TBC1D32: variants seen among roughly 807,000 people sequenced by gnomAD.
TBC1D32 encodes TBC1 domain family member 32.
TBC1D32 carries 151 observed loss-of-function variants against 170.3 expected under a neutral mutation model. The ratio of observed to expected loss-of-function variants is 0.89; its 90% CI spans 0.78 to 1.01. The LOEUF is 1.01. Ranked by LOEUF, TBC1D32 falls within the 50% of genes least tolerant of loss-of-function variation. TBC1D32 has a pLI of 0.00. For synonymous variants in TBC1D32, 498 were observed against 488.0 expected (o/e 1.02, Z -0.27); for missense variants, 1,464 against 1,457.1 (o/e 1.00, Z -0.08).
chr6:121,220,734 A>C (rs1305990002), intron 21 of TBC1D32, among the ~76,000 whole-genome samples: 3 of 142,364 alleles, frequency 2.1e-5, no homozygotes, highest in African/African-American at 8.1e-5. Flanking sequence ...TCTACCTCCC[A>C]GGTTCGAGTG....
intron 21 of TBC1D32, among the ~76,000 whole-genome samples, chr6:121,206,232 A>G (rs934161872): frequency 4.0e-5 from 6 of 151,706 alleles, no homozygotes; most frequent in Admixed American, 1.3e-4. Context: ...AAAAAAAAAA[A>G]GGAAGGCTTT....
intron 21 of TBC1D32, among the ~76,000 whole-genome samples, chr6:121,211,796 T>C (rs774267085): frequency 1.3e-5 from 2 of 152,260 alleles, no homozygotes; most frequent in Admixed American, 6.5e-5. Context: ...GGAACACCAC[T>C]GTCCCAGTGG....
At chr6:121,138,018 T>C (rs1782331912) in intron 24 of TBC1D32, among the ~76,000 whole-genome samples, 1 of 152,120 alleles carries the variant, frequency 6.6e-6, no homozygotes, top group South Asian at 2.1e-4. Context: ...TATTTTTGTG[T>C]TTCTACTTAC....
intron 24 of TBC1D32, among the ~76,000 whole-genome samples, chr6:121,146,397 G>C (rs1202099416): frequency 6.6e-6 from 1 of 150,762 alleles, no homozygotes; most frequent in African/African-American, 2.4e-5. Context: ...GATAATAATA[G>C]AAAGCCTAAA....
chr6:121,210,614 C>T (rs1792909633), intron 21 of TBC1D32, among the ~76,000 whole-genome samples: 1 of 152,138 alleles, frequency 6.6e-6, no homozygotes, highest in Admixed American at 6.5e-5. Context: ...GCAAGCACTG[C>T]TGTGAAGGAA....
At chr6:121,187,061 A>G (rs1279496422) in intron 22 of TBC1D32, among the ~76,000 whole-genome samples, 2 of 152,122 alleles carry the variant, frequency 1.3e-5, no homozygotes, top group Non-Finnish European at 2.9e-5. Flanking sequence ...AGCAAATGAG[A>G]AATAGGAATA....
chr6:121,105,656 C>T (rs1367234476), intron 30 of TBC1D32, among the ~76,000 whole-genome samples: 3 of 151,848 alleles, frequency 2.0e-5, no homozygotes, highest in South Asian at 2.1e-4. Flanking sequence ...GGTTAATCCG[C>T]GGGGATTTTT....
chr6:121,080,993 A>T (rs1582673518), intron 31 of TBC1D32, 103 bp from the exon 32 acceptor site: 1 of 1,393,412 alleles, frequency 7.2e-7, no homozygotes, highest in East Asian at 2.4e-5. Flanking sequence ...TCAGCTATAG[A>T]TGGGGTGGGC....
intron 22 of TBC1D32, among the ~76,000 whole-genome samples, chr6:121,198,727 G>A (rs1342851011): frequency 6.6e-6 from 1 of 151,140 alleles, no homozygotes; most frequent in Non-Finnish European, 1.5e-5. Context: ...CTCTAGCCTG[G>A]GCGACAGAGC....
intron 3 of TBC1D32, among the ~76,000 whole-genome samples, chr6:121,316,708 C>T (rs1276749979): frequency 6.6e-6 from 1 of 152,164 alleles, no homozygotes. Context: ...CCCAACTTGA[C>T]CAATGTACAT....
chr6:121,212,696 G>A (rs1274261497), intron 21 of TBC1D32, among the ~76,000 whole-genome samples: 1 of 151,934 alleles, frequency 6.6e-6, no homozygotes, highest in East Asian at 1.9e-4. Context: ...TCAGACCTCA[G>A]GTGATCCACC....
intron 10 of TBC1D32, among the ~76,000 whole-genome samples, chr6:121,298,829 T>C (rs1157018890): frequency 2.0e-5 from 3 of 152,112 alleles, no homozygotes; most frequent in Non-Finnish European, 4.4e-5. Context: ...AAAAGATGTT[T>C]ATTGACCCAA....
At position 121,121,053 on chromosome 6, in the gene TBC1D32, A is replaced by G. The variant is rs528463781; in HGVS notation, c.2983+5325T>C. 1.1e-4 allele frequency among the ~76,000 whole-genome samples: 17 copies of G among 152,038 alleles called. 1 individual carries two copies. The highest frequency in any genetic ancestry group is 2.2e-4 in the Non-Finnish European group (15 of 67,962). On this transcript the variant is annotated intron_variant, in intron 26 of 31. Transcript: ENST00000398212. ...AGATGTGAATATAGTATGTGTATATATATATAATTAAATCTCATATTGAAG... is the reference window on the plus strand; with the variant it reads ...AGATGTGAATATAGTATGTGTATATGTATATAATTAAATCTCATATTGAAG...
intron 29 of TBC1D32, among the ~76,000 whole-genome samples, chr6:121,108,415 C>T (rs1233007695): frequency 6.6e-6 from 1 of 152,062 alleles, no homozygotes; most frequent in Admixed American, 6.6e-5. Context: ...TCTGAAAGGA[C>T]AGTAACTCTT....
intron 30 of TBC1D32, among the ~76,000 whole-genome samples, chr6:121,092,897 T>C (rs996942378): frequency 3.3e-5 from 5 of 152,146 alleles, no homozygotes; most frequent in Non-Finnish European, 7.4e-5. Flanking sequence ...ATTCAGCCTA[T>C]ACCAGAGGGT....
intron 19 of TBC1D32, among the ~76,000 whole-genome samples, chr6:121,239,643 A>G (rs1398582277): frequency 2.0e-5 from 3 of 152,146 alleles, no homozygotes; most frequent in Non-Finnish European, 2.9e-5. Flanking sequence ...ATGCTCCCTT[A>G]TTCCAATATA....
chr6:121,258,627 T>C lies in TBC1D32; in HGVS notation c.1734-2342A>G, dbSNP rs182729085. Among the ~76,000 whole-genome samples, 3 of 152,330 alleles carry C rather than the reference T, an allele frequency of 2.0e-5. No homozygotes were observed. In the East Asian group the frequency reaches 5.8e-4, roughly 29 times the overall value. On this transcript the variant is annotated intron_variant, in intron 15 of 31. Coordinates refer to ENST00000398212, the MANE Select transcript of TBC1D32 (RefSeq NM_152730.6). Reference sequence around the variant, plus strand: ...TTTTCACTTTGTCCATTCATCATTCTCTTTTAAAAATATAAACAAATATGA... The same window carrying C: ...TTTTCACTTTGTCCATTCATCATTCCCTTTTAAAAATATAAACAAATATGA...
chr6:121,150,729 T>C (rs572292779), intron 24 of TBC1D32, among the ~76,000 whole-genome samples: 2 of 152,296 alleles, frequency 1.3e-5, no homozygotes, highest in East Asian at 3.9e-4. Flanking sequence ...GGTTTAGTCT[T>C]GGGAGGGTGT....
chr6:121,161,138 G>C, intron 22 of TBC1D32, 82 bp from the exon 23 acceptor site: 1 of 1,037,910 alleles, frequency 9.6e-7, no homozygotes, highest in East Asian at 2.5e-5. Flanking sequence ...GGATTGTAAA[G>C]AAAAAAGGCA....
Sources: allele counts gnomAD v4.1 joint callset (sites outside exome capture counted in the v4.1 genomes callset), GRCh38; gene constraint gnomAD v4.1.1; transcripts MANE v1.5; gene names NCBI Gene and HGNC (gene_info 2026-07-23, HGNC 2026-07-21).